Variants in EFNA3 observed in about 807,000 individuals in gnomAD.
EFNA3 encodes ephrin A3.
Under a neutral mutation model 25.0 loss-of-function variants are expected in EFNA3, and 15 were observed. The observed-to-expected ratio is 0.60, with a 90% CI of 0.40 to 0.92. EFNA3 has a LOEUF of 0.92. Among genes scored for constraint, EFNA3 ranks in the 40% least tolerant of loss-of-function variants. The probability of loss-of-function intolerance (pLI) is 0.00; values close to 1 mark genes in which losing one functional copy is unlikely to be tolerated. For missense variants in EFNA3, 298 were observed against 323.8 expected, an observed-to-expected ratio of 0.92 and a Z score of 0.61; for synonymous variants, 153 against 145.6, an observed-to-expected ratio of 1.05 and a Z score of -0.37.
chr1:155,085,770 G>A lies in EFNA3; in HGVS notation c.443-107G>A, dbSNP rs1394802739. 2 of 1,383,702 alleles carry A rather than the reference G, an allele frequency of 1.4e-6. No homozygotes were observed. The highest frequency in any genetic ancestry group is 2.0e-5 in the Admixed American group (1 of 49,954). 85.7% of individuals were successfully genotyped at this position (1,383,702 alleles called of 1,614,324 possible). A position where few individuals can be genotyped will look rare whatever the true frequency, so the allele number is the denominator to read the frequency against. On this transcript the variant is annotated intron_variant, in intron 2 of 4. Coordinates refer to ENST00000368408, the MANE Select transcript of EFNA3 (RefSeq NM_004952.5). This position sits in a 1 kb window ranked among gnomAD's most constrained non-coding sequence, Gnocchi z 4.4. ...CCAAAGGGTAGGGGAGCTCCTGAAG[G>A]AGACCGCCCGACGGGGACAGTTTGG... is the stretch of plus-strand genomic sequence containing the variant.
intron 1 of EFNA3, among the ~76,000 whole-genome samples, chr1:155,082,408 C>T (rs1225912754): frequency 6.6e-6 from 1 of 152,246 alleles, no homozygotes; most frequent in Non-Finnish European, 1.5e-5. Context: ...TTTACCTGCC[C>T]TAATTGCCCC....
chr1:155,080,448 C>CG lies in EFNA3; in HGVS notation c.128+1381dup, dbSNP rs1663320557. On this transcript the variant is annotated intron_variant, in intron 1 of 4. Coordinates refer to ENST00000368408, the MANE Select transcript of EFNA3 (RefSeq NM_004952.5). This position sits in a 1 kb window ranked among gnomAD's most constrained non-coding sequence, Gnocchi z 7.0. ...GGGTGGGGACGTGGCCCCTCCCCCC[C>CG]GGAGCGGGACTCCAAGAACTCCGGG... 6.6e-6 allele frequency among the ~76,000 whole-genome samples: 1 copy of CG among 152,070 alleles called. No homozygotes were observed. The highest frequency in any genetic ancestry group is 6.5e-5 in the Admixed American group (1 of 15,280).
chr1:155,079,298 G>A lies in EFNA3; in HGVS notation c.128+229G>A, dbSNP rs921807196. The stretch of plus-strand genomic sequence containing the variant: ...GCGCTCGGGCCGTGTGGAGGAGGCT[G>A]CTGGAGGGGCCCCCCACCCCATCTT... On this transcript the variant is annotated intron_variant, in intron 1 of 4. Transcript: ENST00000368408. The surrounding 1 kb of genome is among the most constrained non-coding windows in gnomAD (Gnocchi z 7.7). Among the ~76,000 whole-genome samples the A allele has an allele frequency of 1.3e-5, 2 of 152,134 alleles. No individual in the cohort carries two copies. Among genetic ancestry groups the A allele is most frequent in the Non-Finnish European group, 2.9e-5 (2 of 68,010 alleles).
rs770846207 is a variant in EFNA3 at position 155,086,202 on chromosome 1, C to G, written c.583C>G (p.Leu195Val). 6.2e-7 allele frequency: 1 copy of G among 1,613,522 alleles called. No homozygotes were observed. Among genetic ancestry groups the G allele is most frequent in the Non-Finnish European group, 8.5e-7 (1 of 1,179,738 alleles). Reference protein sequence around the residue: ...TMGPNVKINVLEDFEGENPQV... With the variant: ...TMGPNVKINVVEDFEGENPQV... ...GGGCCCCAATGTGAAGATCAACGTG[C>G]TGGGTGAGTCTGCGCAGCGCCCTCT... Residue 195 changes from leucine to valine, a missense_variant, in exon 4 of 5, where the codon CTG becomes GTG. Leu to Val is a conservative substitution (Grantham distance 32). Coordinates refer to ENST00000368408, the MANE Select transcript of EFNA3 (RefSeq NM_004952.5).
chr1:155,084,575 A>G (rs546642531), intron 1 of EFNA3, among the ~76,000 whole-genome samples: 2 of 152,358 alleles, frequency 1.3e-5, no homozygotes, highest in East Asian at 3.9e-4. Context: ...TCCGGGGTGG[A>G]CTGGCAGCCG....
rs760871988 is a variant in EFNA3, at chr1:155,086,109, C to T, written c.509-19C>T. 1 of 1,586,148 alleles carries T rather than the reference C, an allele frequency of 6.3e-7. No homozygotes were observed. Among genetic ancestry groups the T allele is most frequent in the Non-Finnish European group, 8.6e-7 (1 of 1,156,810 alleles). ...CTGACTCTCCCCTCCTCTCTCCCCA[C>T]CCGCACCCCACCCCGCAGCATCGCA... is the stretch of plus-strand genomic sequence containing the variant. On this transcript the variant is annotated intron_variant, in intron 3 of 4. Coordinates refer to ENST00000368408, the MANE Select transcript of EFNA3 (RefSeq NM_004952.5).
chr1:155,082,092 G>A (rs1467200858), intron 1 of EFNA3, among the ~76,000 whole-genome samples: 1 of 152,158 alleles, frequency 6.6e-6, no homozygotes, highest in Non-Finnish European at 1.5e-5. Context: ...GGGGCGCAGA[G>A]GTGTCAGCGT....
In EFNA3 at chr1:155,079,556, A is replaced by C. The variant is rs529768538; in HGVS notation, c.128+487A>C. Reference sequence around the variant, plus strand: ...TCCGACCGAGCACCTCCCTAGAAGGAAGGCGAATGGGTTGTCTTGGTTGTG... The same window carrying C: ...TCCGACCGAGCACCTCCCTAGAAGGCAGGCGAATGGGTTGTCTTGGTTGTG... On this transcript the variant is annotated intron_variant, in intron 1 of 4. Transcript: ENST00000368408. This position sits in a 1 kb window ranked among gnomAD's most constrained non-coding sequence, Gnocchi z 7.7. 6.6e-6 allele frequency among the ~76,000 whole-genome samples: 1 copy of C among 152,194 alleles called. No individual in the cohort carries two copies. The highest frequency in any genetic ancestry group is 2.1e-4 in the South Asian group (1 of 4,822).
rs1232143046 is a variant in EFNA3 at position 155,086,139 on chromosome 1, G to A, written c.520G>A (p.Gly174Arg). The change falls in exon 4 of 5, where the codon GGG (glycine) becomes AGG (arginine). Residue 174 changes from glycine (G) to arginine (R), a missense_variant. Physicochemically the swap from Gly to Arg is moderately radical, Grantham distance 125. Coordinates refer to ENST00000368408, the MANE Select transcript of EFNA3 (RefSeq NM_004952.5). ...FVCCASTSHS[G>R]EKPVPTLPQF... ...ACCCCACCCCGCAGCATCGCACTCC[G>A]GGGAGAAGCCGGTCCCCACTCTCCC... 7 of 1,285,994 alleles carry A rather than the reference G, an allele frequency of 5.4e-6. No homozygotes were observed. Among genetic ancestry groups the A allele is most frequent in the African/African-American group, 1.6e-5 (1 of 64,086 alleles). 79.7% of individuals were successfully genotyped at this position (1,285,994 alleles called of 1,614,324 possible). A position where few individuals can be genotyped will look rare whatever the true frequency, so the allele number is the denominator to read the frequency against.
In EFNA3 at chr1:155,085,123, A is replaced by G. The variant is rs1243729261; in HGVS notation, c.161A>G (p.Asn54Ser). Residue 54 changes from asparagine to serine, a missense_variant, in exon 2 of 5, where the codon AAC becomes AGC. Physicochemically the swap from Asn to Ser is conservative, Grantham distance 46. Coordinates refer to ENST00000368408, the MANE Select transcript of EFNA3 (RefSeq NM_004952.5). The surrounding 1 kb of genome is among the most constrained non-coding windows in gnomAD (Gnocchi z 4.4). ...LRREGYTVQV[N>S]VNDYLDIYCP... ...CGAGAGGGCTACACCGTGCAGGTGA[A>G]CGTGAACGACTATCTGGATATTTAC... is the stretch of plus-strand genomic sequence containing the variant. The G allele has an allele frequency of 6.2e-7, 1 of 1,613,754 alleles. No individual in the cohort carries two copies. Among genetic ancestry groups the G allele is most frequent in the South Asian group, 1.1e-5 (1 of 91,082 alleles).
rs1663440667 is a variant in EFNA3 at position 155,085,691 on chromosome 1, G to A, written c.443-186G>A. 2 of 712,284 alleles carry A rather than the reference G, an allele frequency of 2.8e-6. No homozygotes were observed. Among genetic ancestry groups the A allele is most frequent in the South Asian group, 3.8e-5 (2 of 52,972 alleles). 44.1% of individuals were successfully genotyped at this position (712,284 alleles called of 1,614,324 possible). On this transcript the variant is annotated intron_variant, in intron 2 of 4. Coordinates refer to ENST00000368408, the MANE Select transcript of EFNA3 (RefSeq NM_004952.5). This position sits in a 1 kb window ranked among gnomAD's most constrained non-coding sequence, Gnocchi z 4.4. Reference sequence around the variant, plus strand: ...ACATCAGGGATCCCAGTTTCTTGAGGGGTGGGACCAAAGGGGCGTCTAGGG... The same window carrying A: ...ACATCAGGGATCCCAGTTTCTTGAGAGGTGGGACCAAAGGGGCGTCTAGGG...
Position 155,085,226 on chromosome 1 carries a change from G to A in EFNA3, c.264G>A (p.Leu88=), listed in dbSNP as rs1436273351. The A allele has an allele frequency of 3.7e-6, 6 of 1,613,156 alleles. No homozygotes were observed. The highest frequency in any genetic ancestry group is 5.1e-6 in the Non-Finnish European group (6 of 1,179,822). Reference sequence around the variant, plus strand: ...GAGGCGGGGCAGAGCAGTACGTGCTGTACATGGTGAGCCGCAACGGCTACC... The same window carrying A: ...GAGGCGGGGCAGAGCAGTACGTGCTATACATGGTGAGCCGCAACGGCTACC... The part of the protein sequence containing the change: ...GPGGGAEQYV[L]YMVSRNGYRT... Residue 88 remains leucine, a synonymous_variant, in exon 2 of 5, where the codon CTG becomes CTA. Transcript: ENST00000368408. This position sits in a 1 kb window ranked among gnomAD's most constrained non-coding sequence, Gnocchi z 4.4.
chr1:155,085,890 C>T lies in EFNA3; in HGVS notation c.456C>T (p.His152=). Reference sequence around the variant, plus strand: ...TCTCCTCCCCAGCCACGCCCACTCACAACCTGCACTGGAAGTGTCTGAGGA... The same window carrying T: ...TCTCCTCCCCAGCCACGCCCACTCATAACCTGCACTGGAAGTGTCTGAGGA... ...HEYYYISTPT[H]NLHWKCLRMK... is the part of the protein sequence containing the mutation. Residue 152 remains histidine (H), a synonymous_variant, in exon 3 of 5, where the codon CAC becomes CAT. Transcript: ENST00000368408. The surrounding 1 kb of genome is among the most constrained non-coding windows in gnomAD (Gnocchi z 4.4). 6.2e-7 allele frequency: 1 copy of T among 1,613,580 alleles called. No homozygotes were observed. The highest frequency in any genetic ancestry group is 8.5e-7 in the Non-Finnish European group (1 of 1,179,756).
chr1:155,086,787 A>G lies in EFNA3; in HGVS notation c.*244A>G, dbSNP rs1663474462. ...CCTTGTGGCTCTGGTAATGTTTGGTACCAAACTTGGGGGCCAAAAAGGGCA... is the reference window on the plus strand; with the variant it reads ...CCTTGTGGCTCTGGTAATGTTTGGTGCCAAACTTGGGGGCCAAAAAGGGCA... On this transcript the variant is annotated 3_prime_UTR_variant, in exon 5 of 5. Transcript: ENST00000368408. 2.0e-6 allele frequency: 1 copy of G among 493,070 alleles called. No individual in the cohort carries two copies. The highest frequency in any genetic ancestry group is 3.6e-5 in the East Asian group (1 of 27,552). 30.5% of individuals were successfully genotyped at this position (493,070 alleles called of 1,614,324 possible).
chr1:155,082,985 C>T (rs1322812943), intron 1 of EFNA3, among the ~76,000 whole-genome samples: 1 of 152,254 alleles, frequency 6.6e-6, no homozygotes, highest in African/African-American at 2.4e-5. Context: ...GCAGGTCTTT[C>T]TCTCACATGC....
intron 3 of EFNA3, 25 bp from the exon 4 acceptor site, chr1:155,086,103 T>TGCCCCCCCCCCCCCCCC: frequency 6.3e-7 from 1 of 1,577,730 alleles, no homozygotes; most frequent in Non-Finnish European, 8.7e-7. Flanking sequence ...CCCTCCTCTC[T>TGCCCCCCCCCCCCCCCC]CCCCACCCGC....
At chr1:155,084,087 A>C (rs1663392960) in intron 1 of EFNA3, among the ~76,000 whole-genome samples, 1 of 152,218 alleles carries the variant, frequency 6.6e-6, no homozygotes, top group African/African-American at 2.4e-5. Flanking sequence ...AAGAGGGATC[A>C]GGGAAATAAG....
At position 155,086,031 on chromosome 1, in the gene EFNA3, A is replaced by C; in HGVS notation, c.508+89A>C. On this transcript the variant is annotated intron_variant, in intron 3 of 4. Coordinates refer to ENST00000368408, the MANE Select transcript of EFNA3 (RefSeq NM_004952.5). ...CTTCCTGGGGGTGGGGGCGGAGGGC[A>C]CAGGTGAGGGGGGCTTGCTCCCCAG... 3 of 1,572,816 alleles carry C rather than the reference A, an allele frequency of 1.9e-6. No homozygotes were observed. The Admixed American group carries it at 5.4e-5, about 29-fold the overall frequency.
chr1:155,081,950 T>C lies in EFNA3; in HGVS notation c.128+2881T>C, dbSNP rs976186354. Among the ~76,000 whole-genome samples the C allele has an allele frequency of 1.3e-5, 2 of 152,212 alleles. No homozygotes were observed. Among genetic ancestry groups the C allele is most frequent in the Non-Finnish European group, 2.9e-5 (2 of 68,032 alleles). ...ACCTTCGCCGCCGCCGCCGCCGCTGTCGCAGGGAGGAGGGGCGGAGGTGTC... is the reference window on the plus strand; with the variant it reads ...ACCTTCGCCGCCGCCGCCGCCGCTGCCGCAGGGAGGAGGGGCGGAGGTGTC... On this transcript the variant is annotated intron_variant, in intron 1 of 4. Transcript: ENST00000368408. The surrounding 1 kb of genome is among the most constrained non-coding windows in gnomAD (Gnocchi z 5.2).
Sources: allele counts gnomAD v4.1 joint callset (sites outside exome capture counted in the v4.1 genomes callset), GRCh38; gene constraint gnomAD v4.1.1; non-coding constraint Gnocchi (gnomAD v3.1); transcripts MANE v1.5; gene names NCBI Gene and HGNC (gene_info 2026-07-23, HGNC 2026-07-21).